CACNB4: variants seen among roughly 807,000 people sequenced by gnomAD.
The protein encoded by CACNB4 is calcium voltage-gated channel auxiliary subunit beta 4.
Under a neutral mutation model 71.2 loss-of-function variants are expected in CACNB4, and 32 were observed. The ratio of observed to expected loss-of-function variants is 0.45; its 90% CI spans 0.34 to 0.60. CACNB4 has a LOEUF of 0.60. CACNB4 is among the 20% of genes least tolerant of loss of function. CACNB4 has a pLI of 0.01. For synonymous variants in CACNB4, 231 were observed against 236.9 expected (o/e 0.97, Z 0.23); for missense variants, 464 against 647.9 (o/e 0.72, Z 3.08).
intron 8 of CACNB4, chr2:151,869,971 A>C (rs1447872696): frequency 3.9e-6 from 2 of 507,228 alleles, no homozygotes; most frequent in Non-Finnish European, 3.5e-6. Flanking sequence ...TCTGAAACGA[A>C]GTCTCTACTC....
intron 2 of CACNB4, chr2:151,973,856 CT>C: frequency 1.4e-6 from 2 of 1,477,426 alleles, no homozygotes; most frequent in Non-Finnish European, 1.8e-6. Context: ...AGGCAAGATG[CT>C]ATTCATTCAC....
chr2:151,973,736 C>A (rs1202741866), intron 2 of CACNB4: 7 of 1,611,140 alleles, frequency 4.3e-6, no homozygotes, highest in Non-Finnish European at 5.9e-6. Context: ...ATCCAGAGCA[C>A]CTCTTTCAAG....
At chr2:151,977,577 C>T (rs954085872) in intron 2 of CACNB4, among the ~76,000 whole-genome samples, 10 of 152,126 alleles carry the variant, frequency 6.6e-5, no homozygotes, top group African/African-American at 2.4e-4. Flanking sequence ...TTCTGTTTTC[C>T]ACTTGTTTGG....
intron 2 of CACNB4, among the ~76,000 whole-genome samples, chr2:152,078,247 G>T (rs1198922045): frequency 6.6e-6 from 1 of 152,106 alleles, no homozygotes; most frequent in Non-Finnish European, 1.5e-5. Flanking sequence ...AGCCCTCAGG[G>T]TCCCTGGAGA....
In CACNB4 at chr2:151,973,862, A is replaced by G. The variant is rs1219409032; in HGVS notation, c.148-90492T>C. The G allele has an allele frequency of 2.7e-6, 4 of 1,472,368 alleles. No individual in the cohort carries two copies. The Admixed American group carries it at 9.4e-5, about 35-fold the overall frequency. The allele number at this position is 1,472,368 out of a possible 1,614,324, so 91.2% of individuals were successfully genotyped here. A position where few individuals can be genotyped will look rare whatever the true frequency, so the allele number is the denominator to read the frequency against. ...GGATTTACCAGGCAAGATGCTATTC[A>G]TTCACATCCCACAGGGTGAGGTTAT... is the stretch of plus-strand genomic sequence containing the variant. On this transcript the variant is annotated intron_variant, in intron 2 of 13. Coordinates refer to ENST00000539935, the MANE Select transcript of CACNB4 (RefSeq NM_000726.5).
chr2:151,971,336 C>G (rs2099872485), intron 2 of CACNB4: 1 of 598,118 alleles, frequency 1.7e-6, no homozygotes, highest in African/African-American at 1.9e-5. Flanking sequence ...CCCCCACACA[C>G]CCCACAAAGA....
chr2:152,092,582 T>TGTA (rs1688033765), intron 2 of CACNB4, among the ~76,000 whole-genome samples: 1 of 151,228 alleles, frequency 6.6e-6, no homozygotes, highest in African/African-American at 2.4e-5. Flanking sequence ...TCTTTTTTTT[T>TGTA]AATGAAATAT....
At chr2:152,043,763 TTAAA>T (rs572421211) in intron 2 of CACNB4, among the ~76,000 whole-genome samples, 48 of 152,330 alleles carry the variant, frequency 3.2e-4, no homozygotes, top group African/African-American at 1.1e-3. Flanking sequence ...ATTTCTTTTG[TTAAA>T]TAAATTGACT....
intron 2 of CACNB4, among the ~76,000 whole-genome samples, chr2:152,010,447 G>A (rs887962337): frequency 3.9e-5 from 6 of 152,140 alleles, no homozygotes; most frequent in Non-Finnish European, 8.8e-5. Flanking sequence ...CCACAAAGCT[G>A]ACATAATATT....
chr2:152,070,450 T>C (rs923014875), intron 2 of CACNB4, among the ~76,000 whole-genome samples: 3 of 152,196 alleles, frequency 2.0e-5, no homozygotes, highest in Non-Finnish European at 4.4e-5. Context: ...CAAGTCAACA[T>C]GGGCTGTGGC....
At chr2:152,037,914 G>A (rs1457175861) in intron 2 of CACNB4, among the ~76,000 whole-genome samples, 2 of 152,318 alleles carry the variant, frequency 1.3e-5, no homozygotes, top group African/African-American at 2.4e-5. Flanking sequence ...GGAGCTGGCC[G>A]GGCCCCAGCC....
At chr2:151,868,921 A>G (rs2099843880) in intron 9 of CACNB4, 1 of 222,018 alleles carries the variant, frequency 4.5e-6, no homozygotes, top group African/African-American at 2.3e-5. Context: ...AATTATTAAT[A>G]ACTGAGAAAA....
intron 2 of CACNB4, among the ~76,000 whole-genome samples, chr2:152,044,599 G>T (rs1685050885): frequency 1.3e-5 from 2 of 152,140 alleles, no homozygotes; most frequent in South Asian, 4.1e-4. Flanking sequence ...CCCAGGTAGG[G>T]AATTTATCAA....
At chr2:151,991,230 C>T (rs1475088880) in intron 2 of CACNB4, among the ~76,000 whole-genome samples, 2 of 152,260 alleles carry the variant, frequency 1.3e-5, no homozygotes, top group Non-Finnish European at 2.9e-5. Flanking sequence ...ACTCAGAGTT[C>T]GGCTCCAGAC....
At chr2:151,864,769 G>GTT in intron 9 of CACNB4, among the ~76,000 whole-genome samples, 1 of 152,238 alleles carries the variant, frequency 6.6e-6, no homozygotes, top group South Asian at 2.1e-4. Flanking sequence ...AGCAAATAAG[G>GTT]TTATATATAA....
chr2:151,896,746 G>A (rs1022274530), intron 2 of CACNB4, among the ~76,000 whole-genome samples: 1 of 152,172 alleles, frequency 6.6e-6, no homozygotes, highest in Non-Finnish European at 1.5e-5. Flanking sequence ...CAGAGGAAAA[G>A]GTTATTTTTA....
intron 10 of CACNB4, chr2:151,859,752 G>C (rs2099841172): frequency 6.6e-6 from 1 of 152,160 alleles, no homozygotes; most frequent in African/African-American, 2.4e-5. Flanking sequence ...ACATTTATTA[G>C]CAATTATCAC....
chr2:152,035,724 A>C (rs567813354), intron 2 of CACNB4, among the ~76,000 whole-genome samples: 56 of 151,624 alleles, frequency 3.7e-4, no homozygotes, highest in African/African-American at 1.2e-3. Context: ...TGTTAGACAA[A>C]CCGCAAGAAT....
At chr2:151,919,909 CT>C (rs147150122) in intron 2 of CACNB4, among the ~76,000 whole-genome samples, 16,174 of 152,112 alleles carry the variant, frequency 0.11, 1,614 homozygotes, top group East Asian at 0.55. Context: ...TAGAATATAT[CT>C]TGGAAAGTTC....
Sources: gnomAD v4.1 joint callset for allele counts (sites outside exome capture counted in the v4.1 genomes callset) on GRCh38, gnomAD v4.1.1 for gene constraint, MANE v1.5 for transcripts, NCBI Gene and HGNC (gene_info 2026-07-23, HGNC 2026-07-21) for gene names.